Variants in WWP2 observed in about 807,000 individuals in gnomAD.
WWP2 encodes NEDD4-like E3 ubiquitin-protein ligase WWP2.
Under a neutral mutation model 121.0 loss-of-function variants are expected in WWP2, and 57 were observed. The ratio of observed to expected loss-of-function variants is 0.47; its 90% confidence interval spans 0.38 to 0.59. The LOEUF (loss-of-function observed/expected upper bound fraction) is 0.59. WWP2 is among the 20% of genes least tolerant of loss of function. The pLI is 0.00. For synonymous variants in WWP2, 449 were observed against 441.3 expected (o/e 1.02, Z -0.22); for missense variants, 962 against 1,158.9 (o/e 0.83, Z 2.47).
chr16:69,769,143 C>T (rs554645129), intron 1 of WWP2, among the ~76,000 whole-genome samples: 64 of 151,942 alleles, frequency 4.2e-4, no homozygotes, highest in African/African-American at 1.5e-3. Flanking sequence ...GTGATGAAAC[C>T]CATCTCTACT....
intron 6 of WWP2, among the ~76,000 whole-genome samples, chr16:69,863,151 T>C (rs1240087564): frequency 2.0e-5 from 3 of 152,210 alleles, no homozygotes; most frequent in African/African-American, 7.2e-5. Flanking sequence ...ATCCACATTC[T>C]TGCTGTTTTT....
intron 7 of WWP2, among the ~76,000 whole-genome samples, chr16:69,885,151 T>C (rs1213279548): frequency 1.4e-5 from 2 of 144,776 alleles, no homozygotes; most frequent in African/African-American, 4.9e-5. Flanking sequence ...ATTCTTCTTC[T>C]TTAGAATGTT....
intron 6 of WWP2, among the ~76,000 whole-genome samples, chr16:69,851,685 A>T (rs2057216724): frequency 6.6e-6 from 1 of 152,124 alleles, no homozygotes; most frequent in Non-Finnish European, 1.5e-5. Flanking sequence ...TGTGCAGATA[A>T]AAGTTTTCAA....
chr16:69,855,442 T>C (rs1054406450), intron 6 of WWP2, among the ~76,000 whole-genome samples: 12 of 152,326 alleles, frequency 7.9e-5, no homozygotes, highest in South Asian at 6.2e-4. Flanking sequence ...TAGAAACATT[T>C]TGTGCCTTGG....
At chr16:69,882,333 T>C (rs1290098296) in intron 7 of WWP2, among the ~76,000 whole-genome samples, 1 of 152,262 alleles carries the variant, frequency 6.6e-6, no homozygotes, top group Non-Finnish European at 1.5e-5. Flanking sequence ...TTTTATTTTT[T>C]AGTTTTTAAT....
chr16:69,884,427 C>A (rs925816134), intron 7 of WWP2, among the ~76,000 whole-genome samples: 11 of 152,040 alleles, frequency 7.2e-5, no homozygotes, highest in African/African-American at 2.7e-4. Flanking sequence ...AGTTTGAGAC[C>A]AGCCTGGGCA....
Position 69,831,286 on chromosome 16 carries a change from C to T in WWP2, c.341-8840C>T, listed in dbSNP as rs1345864344. Among the ~76,000 whole-genome samples, 4 of 152,250 alleles carry T rather than the reference C, an allele frequency of 2.6e-5. No homozygotes were observed. The East Asian group carries it at 7.7e-4, about 29-fold the overall frequency. On this transcript the variant is annotated intron_variant, in intron 4 of 23. Transcript: ENST00000359154. ...ACAGAACTATTTTTCCTTTGACATG[C>T]ACATACATTTCGGTGGTATGGGGTG...
chr16:69,882,798 G>C (rs2057855035), intron 7 of WWP2, among the ~76,000 whole-genome samples: 1 of 152,154 alleles, frequency 6.6e-6, no homozygotes, highest in African/African-American at 2.4e-5. Context: ...AGATATGGGT[G>C]TACATCAAAT....
At chr16:69,831,501 TC>T (rs1347111969) in intron 4 of WWP2, among the ~76,000 whole-genome samples, 1 of 152,170 alleles carries the variant, frequency 6.6e-6, no homozygotes, top group Non-Finnish European at 1.5e-5. Context: ...GCCCTATTTA[TC>T]TATATTTATT....
rs2058200100 is a variant in WWP2, at chr16:69,901,316, A to C, written c.915-7445A>C. Among the ~76,000 whole-genome samples the C allele has an allele frequency of 2.6e-5, 4 of 152,220 alleles. No homozygotes were observed. In the South Asian group the frequency reaches 8.3e-4, roughly 31 times the overall value. On this transcript the variant is annotated intron_variant, in intron 8 of 23. Transcript: ENST00000359154. ...CTTCTGAAGAGGCAGCTTTAAGAAT[A>C]CTTGAGTACTTCCAGTGTATTCTTC... is the stretch of plus-strand genomic sequence containing the variant.
chr16:69,769,247 G>T (rs530691477), intron 1 of WWP2, among the ~76,000 whole-genome samples: 10 of 151,280 alleles, frequency 6.6e-5, no homozygotes, highest in Admixed American at 6.6e-5. Flanking sequence ...AACCCGGGAG[G>T]TGGAGGTTTG....
intron 4 of WWP2, among the ~76,000 whole-genome samples, chr16:69,834,401 G>A (rs1038690653): frequency 6.6e-6 from 1 of 152,024 alleles, no homozygotes; most frequent in Non-Finnish European, 1.5e-5. Flanking sequence ...CCTTCCCAGG[G>A]AGGTTTTTCT....
intron 6 of WWP2, among the ~76,000 whole-genome samples, chr16:69,848,179 C>T (rs925652853): frequency 2.6e-5 from 4 of 152,172 alleles, no homozygotes; most frequent in African/African-American, 7.2e-5. Context: ...AGTGGCTCAG[C>T]GTGCAGGCTG....
In WWP2 at chr16:69,820,765, G is replaced by A. The variant is rs190085152; in HGVS notation, c.341-19361G>A. ...GAATGTAAGGTCTATGGGGGCAGGC[G>A]TTTTGTGAATTTTGTTCACTTTTGT... On this transcript the variant is annotated intron_variant, in intron 4 of 23. Coordinates refer to ENST00000359154, the MANE Select transcript of WWP2 (RefSeq NM_001270454.2). Among the ~76,000 whole-genome samples, 11 of 79,270 alleles carry A rather than the reference G, an allele frequency of 1.4e-4. 4 individuals are homozygous for A. Among genetic ancestry groups the A allele is most frequent in the Admixed American group, 4.3e-4 (3 of 6,904 alleles). 52.0% of individuals were successfully genotyped at this position (79,270 alleles called of 152,430 possible).
In WWP2 at chr16:69,857,938, G is replaced by A. The variant is rs568218717; in HGVS notation, c.576-13866G>A. ...GTTGGGATTATAGGCGTAAGCTACC[G>A]CATCCGGCCTAACAGTACAACTCTA... On this transcript the variant is annotated intron_variant, in intron 6 of 23. Coordinates refer to ENST00000359154, the MANE Select transcript of WWP2 (RefSeq NM_001270454.2). Among the ~76,000 whole-genome samples the A allele has an allele frequency of 8.5e-5, 13 of 152,060 alleles. No individual in the cohort carries two copies. The South Asian group carries it at 2.5e-3, about 29-fold the overall frequency.
intron 10 of WWP2, among the ~76,000 whole-genome samples, chr16:69,923,528 T>G (rs1285388636): frequency 1.3e-5 from 2 of 152,112 alleles, no homozygotes; most frequent in Non-Finnish European, 2.9e-5. Context: ...GTCTGTTGAT[T>G]TGTAGAATTA....
At chr16:69,786,342 C>T (rs1308651570) in intron 1 of WWP2, among the ~76,000 whole-genome samples, 2 of 149,926 alleles carry the variant, frequency 1.3e-5, no homozygotes, top group Non-Finnish European at 3.0e-5. Context: ...GATGGGATTT[C>T]ATCATCTTGG....
At chr16:69,812,803 T>C (rs751002274) in intron 4 of WWP2, among the ~76,000 whole-genome samples, 3 of 152,138 alleles carry the variant, frequency 2.0e-5, no homozygotes, top group Non-Finnish European at 4.4e-5. Flanking sequence ...TGTTTATTAT[T>C]GATGACATTA....
Position 69,793,184 on chromosome 16 carries a change from C to G in WWP2, c.71-5498C>G, listed in dbSNP as rs147136892. Among the ~76,000 whole-genome samples the G allele has an allele frequency of 7.9e-3, 1,205 of 152,098 alleles. 105 individuals are homozygous for G. In the East Asian group the frequency reaches 0.19, roughly 24 times the overall value. On this transcript the variant is annotated intron_variant, in intron 2 of 23. Transcript: ENST00000359154. ...TCGCCAAGATGGTGAAATCCTGTCTCTACTAAAAATACAAAAAAATTAGCT... is the reference window on the plus strand; with the variant it reads ...TCGCCAAGATGGTGAAATCCTGTCTGTACTAAAAATACAAAAAAATTAGCT...
Sources: allele counts gnomAD v4.1 joint callset (sites outside exome capture counted in the v4.1 genomes callset), GRCh38; gene constraint gnomAD v4.1.1; transcripts MANE v1.5; gene names NCBI Gene and HGNC (gene_info 2026-07-23, HGNC 2026-07-21).